ZNF600: variants seen among roughly 807,000 people sequenced by gnomAD.
ZNF600 encodes the protein zinc finger protein 600, also known as zinc finger protein KR-ZNF1.
In ZNF600, 4 loss-of-function variants were observed where a neutral mutation model predicts 7.3. That is an observed-to-expected ratio of 0.55 (90% CI 0.27 to 1.25). ZNF600 has a LOEUF of 1.25. ZNF600 is among the 50% of genes most tolerant of loss of function. ZNF600 has a pLI of 0.12. For missense variants in ZNF600, 911 were observed against 922.1 expected (o/e 0.99, Z 0.16); for synonymous variants, 290 against 308.9 (o/e 0.94, Z 0.64).
At chr19:52,822,590 C>G in the ZNF600 span, among the ~76,000 whole-genome samples, 3 of 152,236 alleles carry the variant, frequency 2.0e-5, no homozygotes, top group Non-Finnish European at 4.4e-5. Context: ...CTATGCAACC[C>G]GTTAAGTACA....
At chr19:52,829,348 A>G in the ZNF600 span, among the ~76,000 whole-genome samples, 1 of 147,448 alleles carries the variant, frequency 6.8e-6, no homozygotes, top group Non-Finnish European at 1.5e-5. Context: ...TATCTCTCCC[A>G]ATGCTATCCC....
the ZNF600 span, chr19:52,807,926 A>G: frequency 1.3e-6 from 2 of 1,593,322 alleles, no homozygotes; most frequent in African/African-American, 2.7e-5. Context: ...CATTTTAGTC[A>G]AGTAAGGATG....
the ZNF600 span, chr19:52,800,896 G>A: frequency 1.1e-5 from 17 of 1,613,844 alleles, no homozygotes; most frequent in Non-Finnish European, 4.2e-6. Context: ...ATTATCTTAT[G>A]TGTTTCAAGG....
At chr19:52,770,517 C>A (rs1484358536) in intron 3 of ZNF600, among the ~76,000 whole-genome samples, 2 of 152,110 alleles carry the variant, frequency 1.3e-5, no homozygotes, top group Non-Finnish European at 1.5e-5. Flanking sequence ...TATGTAACAG[C>A]CAGGCAATAC....
exon 4 of ZNF600, chr19:52,765,344 T>C: frequency 1.4e-6 from 1 of 736,032 alleles, no homozygotes; most frequent in Non-Finnish European, 2.5e-6. Flanking sequence ...ACATGTGAGG[T>C]TTCTCTCCTG....
At chr19:52,807,916 C>G in the ZNF600 span, 1 of 1,579,336 alleles carries the variant, frequency 6.3e-7, no homozygotes. Context: ...ATACGGCTTC[C>G]ATTTTAGTCA....
In ZNF600 at chr19:52,786,592, T is replaced by C. The variant is rs1005226291; in HGVS notation, c.-20+3A>G. ...CAAAAGCAAGCAACTTCCAGACTCT[T>C]ACCGGGACGTCTCAATTTGCTCTGG... On this transcript the variant is annotated splice_donor_region_variant and intron_variant, in intron 1 of 3. Transcript: ENST00000648973. 5.7e-6 allele frequency: 1 copy of C among 176,830 alleles called. No homozygotes were observed. Among genetic ancestry groups the C allele is most frequent in the African/African-American group, 2.3e-5 (1 of 42,912 alleles). 11.0% of individuals were successfully genotyped at this position (176,830 alleles called of 1,614,324 possible).
chr19:52,800,481 GC>G, the ZNF600 span: 3 of 1,613,520 alleles, frequency 1.9e-6, no homozygotes, highest in Non-Finnish European at 2.5e-6. Context: ...ATGATGGCGT[GC>G]AAGAGTTGAT....
At chr19:52,771,626 T>C (rs1327010828) in intron 3 of ZNF600, among the ~76,000 whole-genome samples, 1 of 152,078 alleles carries the variant, frequency 6.6e-6, no homozygotes, top group Admixed American at 6.6e-5. Flanking sequence ...TACAGGTGTA[T>C]ACCAACACAC....
At chr19:52,815,608 A>G in the ZNF600 span, among the ~76,000 whole-genome samples, 2 of 146,618 alleles carry the variant, frequency 1.4e-5, no homozygotes, top group African/African-American at 2.6e-5. Context: ...GCGAATCATG[A>G]GGTCAGGAGA....
upstream of ZNF600, among the ~76,000 whole-genome samples, chr19:52,787,918 T>C (rs189123145): frequency 6.6e-6 from 1 of 151,754 alleles, no homozygotes; most frequent in East Asian, 1.9e-4. Flanking sequence ...TGTCTCCTTT[T>C]CCAGAATTTA....
At chr19:52,801,078 C>T in the ZNF600 span, 77 of 1,614,096 alleles carry the variant, frequency 4.8e-5, no homozygotes, top group African/African-American at 5.5e-4. Context: ...TGCAAGGTAT[C>T]GCTTCTGATT....
chr19:52,821,637 C>T, the ZNF600 span: 70 of 152,308 alleles, frequency 4.6e-4, 1 homozygote, highest in African/African-American at 1.6e-3. Flanking sequence ...CTGGTCTGCG[C>T]GAATCTGCGC....
chr19:52,831,435 G>A, the ZNF600 span, among the ~76,000 whole-genome samples: 3 of 151,312 alleles, frequency 2.0e-5, no homozygotes, highest in African/African-American at 7.3e-5. Flanking sequence ...TCAGCCTCCC[G>A]AGTAGCTGGG....
intron 2 of ZNF600, among the ~76,000 whole-genome samples, chr19:52,775,995 T>C (rs946063490): frequency 1.3e-5 from 2 of 148,974 alleles, no homozygotes; most frequent in Non-Finnish European, 3.0e-5. Context: ...GACAGAGCAA[T>C]ACTCTGACTC....
chr19:52,798,676 A>G, the ZNF600 span: 4 of 440,472 alleles, frequency 9.1e-6, no homozygotes, highest in Middle Eastern at 3.5e-4. Flanking sequence ...TGCCACAATC[A>G]TGACATTTAT....
rs1459941571 is a variant in ZNF600, at chr19:52,775,229, C to T, written c.64-528G>A. Among the ~76,000 whole-genome samples, 4 of 149,428 alleles carry T rather than the reference C, an allele frequency of 2.7e-5. No individual in the cohort carries two copies. The Admixed American group carries it at 2.7e-4, about 10-fold the overall frequency. On this transcript the variant is annotated intron_variant, in intron 2 of 3. Coordinates refer to ENST00000648973, the Ensembl canonical transcript of ZNF600. Reference sequence around the variant, plus strand: ...CACTCCATCCTGGGCAACAGACTGACACTCCATCTCAAAAAACAAAACAAA... The same window carrying T: ...CACTCCATCCTGGGCAACAGACTGATACTCCATCTCAAAAAACAAAACAAA...
the ZNF600 span, among the ~76,000 whole-genome samples, chr19:52,808,760 C>T: frequency 6.6e-6 from 1 of 152,072 alleles, no homozygotes; most frequent in Non-Finnish European, 1.5e-5. Context: ...TTGCAGTGAG[C>T]TGTGATCCCA....
At chr19:52,791,173 G>C (rs1339684968), upstream of ZNF600, among the ~76,000 whole-genome samples, 3 of 152,178 alleles carry the variant, frequency 2.0e-5, no homozygotes, top group African/African-American at 7.2e-5. Flanking sequence ...CATCCACAAA[G>C]AGCTGACATC....
Sources: gnomAD v4.1 joint callset for allele counts (sites outside exome capture counted in the v4.1 genomes callset) on GRCh38, gnomAD v4.1.1 for gene constraint, MANE v1.5 for transcripts, NCBI Gene and HGNC (gene_info 2026-07-23, HGNC 2026-07-21) for gene names.